DHRSX: variants seen among roughly 807,000 people sequenced by gnomAD.
DHRSX encodes dehydrogenase/reductase X-linked, also known as polyprenol dehydrogenase.
Under a neutral mutation model 34.0 loss-of-function variants are expected in DHRSX, and 31 were observed. The observed-to-expected ratio is 0.91, with a 90% CI of 0.69 to 1.23. The LOEUF is 1.23. Ranked by LOEUF, DHRSX falls within the 50% of genes most tolerant of loss-of-function variation. The pLI is 0.00. For synonymous variants in DHRSX, 201 were observed against 183.8 expected, an observed-to-expected ratio of 1.09 and a Z score of -0.76; for missense variants, 414 against 428.1, an observed-to-expected ratio of 0.97 and a Z score of 0.29.
intron 6 of DHRSX, among the ~76,000 whole-genome samples, chrX:2,221,572 T>C (rs2015520270): frequency 6.6e-6 from 1 of 152,178 alleles, no homozygotes; most frequent in Non-Finnish European, 1.5e-5. Flanking sequence ...TAGAAGCAGA[T>C]GAGTGAGTGC....
intron 2 of DHRSX, among the ~76,000 whole-genome samples, chrX:2,415,984 C>A (rs1035615349): frequency 2.0e-5 from 3 of 151,786 alleles, no homozygotes; most frequent in Non-Finnish European, 4.4e-5. Context: ...CCCAACTAGA[C>A]CTCATCATAA....
chrX:2,325,417 G>A (rs1007728626), intron 3 of DHRSX, among the ~76,000 whole-genome samples: 6 of 152,060 alleles, frequency 3.9e-5, no homozygotes, highest in Admixed American at 2.0e-4. Context: ...TCAAAACGGC[G>A]GCTCCATCTT....
At chrX:2,422,761 T>G (rs1057054408) in intron 2 of DHRSX, among the ~76,000 whole-genome samples, 8 of 150,608 alleles carry the variant, frequency 5.3e-5, no homozygotes, top group African/African-American at 2.0e-4. Flanking sequence ...CTGGGCAACA[T>G]AGCAAGACCC....
intron 1 of DHRSX, among the ~76,000 whole-genome samples, chrX:2,427,991 G>A (rs1257948905): frequency 6.6e-6 from 1 of 152,166 alleles, no homozygotes; most frequent in Non-Finnish European, 1.5e-5. Flanking sequence ...TATCCTAAGT[G>A]AAATGGCTCA....
chrX:2,335,393 G>A (rs1294251657), intron 3 of DHRSX, among the ~76,000 whole-genome samples: 2 of 151,786 alleles, frequency 1.3e-5, no homozygotes, highest in Non-Finnish European at 2.9e-5. Flanking sequence ...AGTGGGGAGG[G>A]GGCTTCCAGG....
chrX:2,229,510 G>A (rs753416132), intron 6 of DHRSX, among the ~76,000 whole-genome samples: 1 of 152,176 alleles, frequency 6.6e-6, no homozygotes, highest in African/African-American at 2.4e-5. Context: ...GGGGCTGGAT[G>A]TTTTCTGGGA....
At chrX:2,439,987 G>A (rs747937933) in intron 1 of DHRSX, among the ~76,000 whole-genome samples, 17 of 152,170 alleles carry the variant, frequency 1.1e-4, no homozygotes, top group Admixed American at 7.9e-4. Flanking sequence ...ATGGGTCCAC[G>A]GATGCCCTGC....
intron 6 of DHRSX, among the ~76,000 whole-genome samples, chrX:2,231,901 C>G (rs1263270208): frequency 6.7e-6 from 1 of 149,898 alleles, no homozygotes; most frequent in Non-Finnish European, 1.5e-5. Flanking sequence ...CCTCCTCTTT[C>G]TCTTATCTTC....
At chrX:2,473,575 A>AT (rs1215001297) in intron 1 of DHRSX, among the ~76,000 whole-genome samples, 2 of 148,612 alleles carry the variant, frequency 1.3e-5, no homozygotes, top group Non-Finnish European at 3.0e-5. Flanking sequence ...GTGAGCCGAG[A>AT]TCCCTCCACT....
intron 4 of DHRSX, among the ~76,000 whole-genome samples, chrX:2,289,267 G>A (rs1185031400): frequency 2.6e-5 from 4 of 151,872 alleles, no homozygotes; most frequent in East Asian, 1.9e-4. Flanking sequence ...ACAGATGCCC[G>A]CCACCACGCC....
At chrX:2,392,952 T>G (rs2043353162) in intron 3 of DHRSX, among the ~76,000 whole-genome samples, 1 of 143,422 alleles carries the variant, frequency 7.0e-6, no homozygotes, top group Non-Finnish European at 1.5e-5. Flanking sequence ...GTATATCTTG[T>G]ATATAATTTT....
At chrX:2,298,702 C>T (rs1028638738) in intron 3 of DHRSX, among the ~76,000 whole-genome samples, 4 of 145,380 alleles carry the variant, frequency 2.8e-5, no homozygotes, top group South Asian at 4.1e-4. Context: ...TTGGGAAAAA[C>T]GGGCCGGGCG....
At chrX:2,419,206 G>A (rs7887444) in intron 2 of DHRSX, among the ~76,000 whole-genome samples, 1 of 152,010 alleles carries the variant, frequency 6.6e-6, no homozygotes, top group South Asian at 2.1e-4. Context: ...CGAGGGTGGA[G>A]CACAATGAAT....
chrX:2,285,617 G>C (rs921680136), intron 4 of DHRSX, among the ~76,000 whole-genome samples: 2 of 152,060 alleles, frequency 1.3e-5, no homozygotes, highest in African/African-American at 4.8e-5. Context: ...CCATGGACTG[G>C]TACTATGACC....
In DHRSX at chrX:2,266,823, G is replaced by A; in HGVS notation, c.513C>T (p.Ser171=). 2 of 1,613,964 alleles carry A rather than the reference G, an allele frequency of 1.2e-6. No individual in the cohort carries two copies. Among genetic ancestry groups the A allele is most frequent in the East Asian group, 2.2e-5 (1 of 44,882 alleles). Residue 171 remains serine (S), a synonymous_variant, in exon 5 of 7, where the codon TCC becomes TCT. Transcript: ENST00000334651. ...LLLDTLKESG[S]PGHSARVVTV... ...TGACCACCCTCGCACTGTGGCCAGG[G>A]GACCCAGACTCTTTCAGCGTATCCA...
intron 1 of DHRSX, among the ~76,000 whole-genome samples, chrX:2,461,466 C>A (rs970948087): frequency 2.0e-5 from 3 of 152,252 alleles, no homozygotes; most frequent in African/African-American, 7.2e-5. Context: ...AACCTACTAG[C>A]TCACGTAAAT....
chrX:2,381,458 A>C (rs980029216), intron 3 of DHRSX, among the ~76,000 whole-genome samples: 3 of 151,944 alleles, frequency 2.0e-5, no homozygotes, highest in African/African-American at 7.2e-5. Context: ...CCCCGTCTAT[A>C]CTAAAAATAC....
At chrX:2,446,951 T>A (rs760639340) in intron 1 of DHRSX, among the ~76,000 whole-genome samples, 2 of 151,934 alleles carry the variant, frequency 1.3e-5, no homozygotes, top group East Asian at 3.9e-4. Context: ...TGAAGCCATG[T>A]ACGCACTAAA....
chrX:2,309,910 G>T (rs1184894716), intron 3 of DHRSX, among the ~76,000 whole-genome samples: 2 of 152,132 alleles, frequency 1.3e-5, no homozygotes, highest in Non-Finnish European at 2.9e-5. Flanking sequence ...AACAGAGCAA[G>T]ACCCTGTCTC....
Sources: gnomAD v4.1 joint callset for allele counts (sites outside exome capture counted in the v4.1 genomes callset) on GRCh38, gnomAD v4.1.1 for gene constraint, MANE v1.5 for transcripts, NCBI Gene and HGNC (gene_info 2026-07-23, HGNC 2026-07-21) for gene names.